The following PCBP3 variants were observed in gnomAD, a reference collection of about 807,000 sequenced individuals.
The protein encoded by PCBP3 is poly(rC) binding protein 3, also known as poly(rC)-binding protein 3.
Under a neutral mutation model 52.7 loss-of-function variants are expected in PCBP3, and 25 were observed. The observed-to-expected ratio is 0.47, with a 90% CI of 0.35 to 0.66. The LOEUF (loss-of-function observed/expected upper bound fraction) is 0.66, where lower values mean the gene tolerates loss of function less well. Among genes scored for constraint, PCBP3 ranks in the 30% least tolerant of loss-of-function variants. The pLI is 0.01. For synonymous variants in PCBP3, 162 were observed against 183.0 expected (o/e 0.89, Z 0.93); for missense variants, 391 against 490.3 (o/e 0.80, Z 1.91).
At chr21:45,768,991 G>A (rs143870825) in intron 4 of PCBP3, among the ~76,000 whole-genome samples, 1 of 152,236 alleles carries the variant, frequency 6.6e-6, no homozygotes, top group Non-Finnish European at 1.5e-5. Flanking sequence ...CCAGGAGGAC[G>A]GTGTCTCTGC....
intron 5 of PCBP3, among the ~76,000 whole-genome samples, chr21:45,866,676 G>A (rs2094739088): frequency 6.6e-6 from 1 of 152,172 alleles, no homozygotes; most frequent in Non-Finnish European, 1.5e-5. Context: ...ATCCCAGAGA[G>A]GCTGAGGTGT....
chr21:45,719,672 C>T (rs2084482477), intron 2 of PCBP3, among the ~76,000 whole-genome samples: 1 of 152,160 alleles, frequency 6.6e-6, no homozygotes, highest in Admixed American at 6.5e-5. Flanking sequence ...TTCTCCTTTG[C>T]CTTCTGCCGT....
At position 45,917,706 on chromosome 21, in the gene PCBP3, C is replaced by A; in HGVS notation, c.717+77C>A. 2.8e-6 allele frequency: 3 copies of A among 1,085,358 alleles called. No individual in the cohort carries two copies. Among genetic ancestry groups the A allele is most frequent in the Admixed American group, 1.7e-5 (1 of 59,362 alleles). The allele number at this position is 1,085,358 out of a possible 1,614,324, so 67.2% of individuals were successfully genotyped here. ...CCTACCTGCATGCTGCTGTTAATTG[C>A]TACTAACATTAATATTACACAATAA... On this transcript the variant is annotated intron_variant, in intron 13 of 17. Transcript: ENST00000681687. This position sits in a 1 kb window ranked among gnomAD's most constrained non-coding sequence, Gnocchi z 5.3.
intron 2 of PCBP3, among the ~76,000 whole-genome samples, chr21:45,669,799 G>A (rs2081035799): frequency 1.1e-5 from 1 of 88,198 alleles, no homozygotes; most frequent in Non-Finnish European, 2.5e-5. Context: ...GTGTGTGTGT[G>A]TGTGTGTATA....
intron 2 of PCBP3, among the ~76,000 whole-genome samples, chr21:45,695,420 A>G (rs1183172986): frequency 6.6e-6 from 1 of 152,154 alleles, no homozygotes; most frequent in Non-Finnish European, 1.5e-5. Context: ...GACTGCCCAG[A>G]GAGTCTCACA....
rs890206259 is a variant in PCBP3, at chr21:45,800,294, G to A, written c.-126+44842G>A. Among the ~76,000 whole-genome samples the A allele has an allele frequency of 2.0e-5, 3 of 152,270 alleles. No homozygotes were observed. The highest frequency in any genetic ancestry group is 6.5e-5 in the Admixed American group (1 of 15,308). Reference sequence around the variant, plus strand: ...ACAGAGACAGCAGGTCCAGGTCAGGGCTACCCCTCGCACAGCCCAGCAGGA... The same window carrying A: ...ACAGAGACAGCAGGTCCAGGTCAGGACTACCCCTCGCACAGCCCAGCAGGA... On this transcript the variant is annotated intron_variant, in intron 4 of 17. Coordinates refer to ENST00000681687, the MANE Select transcript of PCBP3 (RefSeq NM_001384156.1). This position sits in a 1 kb window ranked among gnomAD's most constrained non-coding sequence, Gnocchi z 5.3.
At chr21:45,778,402 A>G (rs2090405907) in intron 4 of PCBP3, among the ~76,000 whole-genome samples, 1 of 152,234 alleles carries the variant, frequency 6.6e-6, no homozygotes, top group African/African-American at 2.4e-5. Context: ...TTGGGCCTCC[A>G]TGTGTCTTGC....
intron 4 of PCBP3, among the ~76,000 whole-genome samples, chr21:45,841,256 G>A (rs1299618680): frequency 6.8e-6 from 1 of 146,226 alleles, no homozygotes; most frequent in African/African-American, 2.4e-5. Flanking sequence ...TATGTATGTT[G>A]GATCTCTTTT....
intron 5 of PCBP3, among the ~76,000 whole-genome samples, chr21:45,888,565 G>A (rs747795370): frequency 3.9e-5 from 6 of 152,184 alleles, no homozygotes; most frequent in South Asian, 2.1e-4. Flanking sequence ...TGCCTGCTCC[G>A]GGGCAGGGCC....
At chr21:45,754,805 T>C (rs2087874876) in intron 3 of PCBP3, among the ~76,000 whole-genome samples, 1 of 152,218 alleles carries the variant, frequency 6.6e-6, no homozygotes, top group Non-Finnish European at 1.5e-5. Flanking sequence ...TGAGAAGCCA[T>C]CTTTCAATTT....
At chr21:45,887,601 C>A (rs1014493086) in intron 5 of PCBP3, among the ~76,000 whole-genome samples, 1 of 152,224 alleles carries the variant, frequency 6.6e-6, no homozygotes, top group Admixed American at 6.5e-5. Context: ...GGCCTCGTTC[C>A]CCAGCTGTGC....
chr21:45,765,719 G>A lies in PCBP3; in HGVS notation c.-126+10267G>A, dbSNP rs1045995508. 5.3e-5 allele frequency among the ~76,000 whole-genome samples: 8 copies of A among 152,276 alleles called. No individual in the cohort carries two copies. In the South Asian group the frequency reaches 1.0e-3, roughly 20 times the overall value. ...AGGAGGCCCCTCATGTCCAGACATC[G>A]GCTTCAGTTTAGGGCTATGGGGACT... On this transcript the variant is annotated intron_variant, in intron 4 of 17. Coordinates refer to ENST00000681687, the MANE Select transcript of PCBP3 (RefSeq NM_001384156.1).
intron 6 of PCBP3, 113 bp from the exon 7 acceptor site, chr21:45,899,486 T>A: frequency 1.3e-6 from 1 of 744,688 alleles, no homozygotes; most frequent in Non-Finnish European, 2.4e-6. Context: ...ACCGGGAAGG[T>A]CCCTTCTGCA....
chr21:45,941,106 G>A (rs893125896), intron 17 of PCBP3, among the ~76,000 whole-genome samples: 2 of 152,054 alleles, frequency 1.3e-5, no homozygotes, highest in African/African-American at 2.4e-5. Context: ...TGCCCCGCTG[G>A]GCTTCTGCCT....
rs1027161477 is a variant in PCBP3 at position 45,700,782 on chromosome 21, G to A, written c.-200+31830G>A. Among the ~76,000 whole-genome samples the A allele has an allele frequency of 7.2e-5, 11 of 152,032 alleles. No homozygotes were observed. In the East Asian group the frequency reaches 7.7e-4, roughly 11 times the overall value. ...TCACTCCCTCCTTCTCAGGCACTGC[G>A]TCCCTCAGCCCAGAGCCTTCTGTAG... On this transcript the variant is annotated intron_variant, in intron 2 of 17. Transcript: ENST00000681687.
Position 45,934,724 on chromosome 21 carries a change from G to C in PCBP3, c.857-529G>C, listed in dbSNP as rs190574578. Among the ~76,000 whole-genome samples, 1,132 of 152,318 alleles carry C rather than the reference G, an allele frequency of 7.4e-3. 14 individuals carry two copies. The highest frequency in any genetic ancestry group is 0.017 in the Middle Eastern group (5 of 294). The stretch of plus-strand genomic sequence containing the variant: ...AACTTTGCATGCTCTGCCATCTGCT[G>C]TCCCCTGCAGGAGGCCGGGGGGTGT... On this transcript the variant is annotated intron_variant, in intron 15 of 17. Coordinates refer to ENST00000681687, the MANE Select transcript of PCBP3 (RefSeq NM_001384156.1).
intron 2 of PCBP3, among the ~76,000 whole-genome samples, chr21:45,730,457 A>G (rs1183171198): frequency 1.3e-5 from 2 of 152,100 alleles, no homozygotes; most frequent in Non-Finnish European, 2.9e-5. Flanking sequence ...TTTTCAGAAT[A>G]TTACCTTTGA....
rs183462339 is a variant in PCBP3, at chr21:45,701,998, G to A, written c.-200+33046G>A. Reference sequence around the variant, plus strand: ...ATGTCCTTCTGCATTAATCTGTTGCGATACATTGTTCTGATTGAATTATGT... The same window carrying A: ...ATGTCCTTCTGCATTAATCTGTTGCAATACATTGTTCTGATTGAATTATGT... On this transcript the variant is annotated intron_variant, in intron 2 of 17. Coordinates refer to ENST00000681687, the MANE Select transcript of PCBP3 (RefSeq NM_001384156.1). Among the ~76,000 whole-genome samples, 23 of 152,310 alleles carry A rather than the reference G, an allele frequency of 1.5e-4. No individual in the cohort carries two copies. In the East Asian group the frequency reaches 4.0e-3, roughly 27 times the overall value.
intron 15 of PCBP3, 106 bp downstream of exon 15, chr21:45,930,951 T>C: frequency 6.8e-7 from 1 of 1,472,186 alleles, no homozygotes; most frequent in South Asian, 1.3e-5. Context: ...CCAGCTTCCA[T>C]GGGAGGCTGT....
Sources: allele counts gnomAD v4.1 joint callset (sites outside exome capture counted in the v4.1 genomes callset), GRCh38; gene constraint gnomAD v4.1.1; non-coding constraint Gnocchi (gnomAD v3.1); transcripts MANE v1.5; gene names NCBI Gene and HGNC (gene_info 2026-07-23, HGNC 2026-07-21).